Variants in LRCOL1 observed in about 807,000 individuals in gnomAD.
LRCOL1 encodes leucine-rich colipase-like protein 1.
Under a neutral mutation model 21.6 loss-of-function variants are expected in LRCOL1, and 21 were observed. That is an observed-to-expected ratio of 0.97 (90% CI 0.69 to 1.40). The LOEUF (loss-of-function observed/expected upper bound fraction) is 1.40, where lower values mean the gene tolerates loss of function less well. Ranked by LOEUF, LRCOL1 falls within the 40% of genes most tolerant of loss-of-function variation. The pLI, the probability that LRCOL1 is intolerant of heterozygous loss-of-function variation, is 0.00. For synonymous variants in LRCOL1, 98 were observed against 90.1 expected, an observed-to-expected ratio of 1.09 and a Z score of -0.49; for missense variants, 198 against 202.3, an observed-to-expected ratio of 0.98 and a Z score of 0.13.
chr12:132,606,530 G>C lies in LRCOL1; in HGVS notation c.-13-266C>G, dbSNP rs1271661072. On this transcript the variant is annotated intron_variant, in intron 1 of 5. Transcript: ENST00000376608. The surrounding 1 kb of genome is among the most constrained non-coding windows in gnomAD (Gnocchi z 4.6). ...CATGCTGCACTCGTGTGACACATCT[G>C]TCCACCATTGATAGACCCACAGGGA... 6.6e-6 allele frequency among the ~76,000 whole-genome samples: 1 copy of C among 152,246 alleles called. No homozygotes were observed. Among genetic ancestry groups the C allele is most frequent in the Admixed American group, 6.5e-5 (1 of 15,300 alleles).
chr12:132,603,828 G>T, intron 5 of LRCOL1: 1 of 985,426 alleles, frequency 1.0e-6, no homozygotes. Flanking sequence ...AGCACGGCTT[G>T]TCCCATGGAT....
chr12:132,608,984 C>CT (rs2041345565), intron 1 of LRCOL1, among the ~76,000 whole-genome samples: 1 of 152,218 alleles, frequency 6.6e-6, no homozygotes, highest in African/African-American at 2.4e-5. Context: ...AGTCCGGTGT[C>CT]TAACAGGTCA....
intron 1 of LRCOL1, among the ~76,000 whole-genome samples, chr12:132,607,891 GTCTC>G (rs140504252): frequency 2.9e-5 from 3 of 105,124 alleles, no homozygotes; most frequent in South Asian, 3.0e-4. Flanking sequence ...CTCTGTCTCT[GTCTC>G]TCTGTCTCTC....
rs747407412 is a variant in LRCOL1 at position 132,604,580 on chromosome 12, T to C, written c.236A>G (p.Asn79Ser). 2.6e-5 allele frequency: 40 copies of C among 1,534,506 alleles called. No individual in the cohort carries two copies. Among genetic ancestry groups the C allele is most frequent in the African/African-American group, 8.2e-5 (6 of 72,968 alleles). The change falls in exon 4 of 6, where the codon AAT (asparagine) becomes AGT (serine). Residue 79 changes from asparagine to serine, a missense_variant. Coordinates refer to ENST00000376608, the MANE Select transcript of LRCOL1 (RefSeq NM_001195520.2). ...FLQCLPWRKP[N>S]GYRCSHDSEC... ...TGAGTCGTGCGAGCATCTGTACCCATTGGGCTATGGGACAGGAGACGCGTC... is the reference window on the plus strand; with the variant it reads ...TGAGTCGTGCGAGCATCTGTACCCACTGGGCTATGGGACAGGAGACGCGTC...
rs139916291 is a variant in LRCOL1 at position 132,606,517 on chromosome 12, G to A, written c.-13-253C>T. Among the ~76,000 whole-genome samples, 41 of 152,222 alleles carry A rather than the reference G, an allele frequency of 2.7e-4. No homozygotes were observed. Among genetic ancestry groups the A allele is most frequent in the Non-Finnish European group, 5.1e-4 (35 of 68,024 alleles). On this transcript the variant is annotated intron_variant, in intron 1 of 5. Transcript: ENST00000376608. The surrounding 1 kb of genome is among the most constrained non-coding windows in gnomAD (Gnocchi z 4.6). The stretch of plus-strand genomic sequence containing the variant: ...CCCCTATTATAAACATGCTGCACTC[G>A]TGTGACACATCTGTCCACCATTGAT...
rs997684516 is a variant in LRCOL1 at position 132,603,738 on chromosome 12, C to T, written c.478-334G>A. 8 of 985,316 alleles carry T rather than the reference C, an allele frequency of 8.1e-6. No individual in the cohort carries two copies. The African/African-American group carries it at 1.4e-4, about 17-fold the overall frequency. 61.0% of individuals were successfully genotyped at this position (985,316 alleles called of 1,614,324 possible). ...CTGGGCTCCAGCAAACACGCACTTG[C>T]GCCCCCACCGCGTTTGCGCCGCTGG... On this transcript the variant is annotated intron_variant, in intron 5 of 5. Coordinates refer to ENST00000376608, the MANE Select transcript of LRCOL1 (RefSeq NM_001195520.2).
At chr12:132,603,625 TGGTACCCGAGGGCGCC>T (rs1566276517) in intron 5 of LRCOL1, 1 of 90,130 alleles carries the variant, frequency 1.1e-5, no homozygotes, top group Admixed American at 1.3e-3. Flanking sequence ...GGGCGCCTGG[TGGTACCCGAGGGCGCC>T]TGGTGGTACC....
At chr12:132,603,608 C>G in intron 5 of LRCOL1, 1 of 983,926 alleles carries the variant, frequency 1.0e-6, no homozygotes, top group Non-Finnish European at 1.2e-6. Flanking sequence ...GCTCCCAGCG[C>G]CCACGAGGGC....
chr12:132,608,313 G>A (rs1001877904), intron 1 of LRCOL1, among the ~76,000 whole-genome samples: 3 of 152,120 alleles, frequency 2.0e-5, no homozygotes, highest in African/African-American at 4.8e-5. Context: ...CTCTGCCTGC[G>A]GCTGGGCAGC....
Position 132,604,718 on chromosome 12 carries a change from CAGGCACTGCA to C in LRCOL1, c.209_218del (p.Leu70ArgfsTer66), listed in dbSNP as rs1265542662. ...GCACGCACCTCACCTTCCTCCAGGGCAGGCACTGCAGGAAGATGGTCTTAGGGGTGCAGAG... is the reference window on the plus strand; with the variant it reads ...GCACGCACCTCACCTTCCTCCAGGGCGGAAGATGGTCTTAGGGGTGCAGAG... On this transcript the variant is annotated frameshift_variant, in exon 3 of 6. Coordinates refer to ENST00000376608, the MANE Select transcript of LRCOL1 (RefSeq NM_001195520.2). LOFTEE classifies it high-confidence loss of function. The C allele has an allele frequency of 6.5e-7, 1 of 1,536,198 alleles. No individual in the cohort carries two copies. The highest frequency in any genetic ancestry group is 1.2e-5 in the South Asian group (1 of 84,062).
rs2041283572 is a variant in LRCOL1 at position 132,604,849 on chromosome 12, A to G, written c.106-18T>C. 1 of 1,535,154 alleles carries G rather than the reference A, an allele frequency of 6.5e-7. No homozygotes were observed. Among genetic ancestry groups the G allele is most frequent in the Non-Finnish European group, 8.7e-7 (1 of 1,146,250 alleles). On this transcript the variant is annotated intron_variant, in intron 2 of 5. Coordinates refer to ENST00000376608, the MANE Select transcript of LRCOL1 (RefSeq NM_001195520.2). ...CCGATGCCCTGAAACACCACTCACC[A>G]GCTCGCTCACCTGTTCCTGGGCAGG...
At chr12:132,604,881 A>G in intron 2 of LRCOL1, 50 bp from the exon 3 acceptor site, 2 of 1,529,676 alleles carry the variant, frequency 1.3e-6, no homozygotes, top group Non-Finnish European at 1.8e-6. Context: ...CAGGGCCTGC[A>G]GACTCAGCAC....
chr12:132,607,213 G>A (rs953115613), intron 1 of LRCOL1, among the ~76,000 whole-genome samples: 4 of 152,184 alleles, frequency 2.6e-5, no homozygotes, highest in Non-Finnish European at 5.9e-5. Context: ...CCTTCCTCGG[G>A]ACTCTTCCAG....
rs1434511984 is a variant in LRCOL1 at position 132,603,312 on chromosome 12, C to G, written c.*90G>C. 1 of 1,514,972 alleles carries G rather than the reference C, an allele frequency of 6.6e-7. No individual in the cohort carries two copies. The highest frequency in any genetic ancestry group is 1.4e-5 in the African/African-American group (1 of 72,618). The allele number at this position is 1,514,972 out of a possible 1,614,324, so 93.8% of individuals were successfully genotyped here. A position where few individuals can be genotyped will look rare whatever the true frequency, so the allele number is the denominator to read the frequency against. The stretch of plus-strand genomic sequence containing the variant: ...ACAGCAGCACAAACCGTAAGGGAAG[C>G]TTCCGCTGGAACCAGCCCCCGCGCA... On this transcript the variant is annotated 3_prime_UTR_variant, in exon 6 of 6. Transcript: ENST00000376608.
chr12:132,603,498 C>CG (rs1566276298), intron 5 of LRCOL1, 94 bp from the exon 6 acceptor site: 2 of 1,534,502 alleles, frequency 1.3e-6, no homozygotes, highest in African/African-American at 2.7e-5. Context: ...CAGCATCTCC[C>CG]GGCACCAGCC....
Position 132,604,970 on chromosome 12 carries a change from C to T in LRCOL1, c.106-139G>A, listed in dbSNP as rs2041285162. On this transcript the variant is annotated intron_variant, in intron 2 of 5. Transcript: ENST00000376608. Reference sequence around the variant, plus strand: ...TGGGTTTCCTGAGAAGTTTCTGGAACAAACCCAGACTGCCGTGGTTCTGGC... The same window carrying T: ...TGGGTTTCCTGAGAAGTTTCTGGAATAAACCCAGACTGCCGTGGTTCTGGC... The T allele has an allele frequency of 6.9e-6, 10 of 1,454,250 alleles. No individual in the cohort carries two copies. The South Asian group carries it at 1.4e-4, about 20-fold the overall frequency. The allele number at this position is 1,454,250 out of a possible 1,614,324, so 90.1% of individuals were successfully genotyped here. A position where few individuals can be genotyped will look rare whatever the true frequency, so the allele number is the denominator to read the frequency against.
In LRCOL1 at chr12:132,604,759, G is replaced by C. The variant is rs1280856422; in HGVS notation, c.178C>G (p.His60Asp). The change falls in exon 3 of 6, where the codon CAC becomes GAC. Residue 60 changes from histidine (H) to aspartate (D), a missense_variant. Coordinates refer to ENST00000376608, the MANE Select transcript of LRCOL1 (RefSeq NM_001195520.2). ...NCCTINSLAP[H>D]TLCTPKTIFL... ...ATGGTCTTAGGGGTGCAGAGCGTGT[G>C]TGGGGCCAGGCTGTTGATGGTACAG... 2.0e-6 allele frequency: 3 copies of C among 1,536,048 alleles called. No individual in the cohort carries two copies. The African/African-American group carries it at 4.1e-5, about 21-fold the overall frequency.
chr12:132,605,045 C>G (rs933934576), intron 2 of LRCOL1: 35 of 1,391,336 alleles, frequency 2.5e-5, no homozygotes, highest in Non-Finnish European at 3.3e-5. Context: ...CTACTGTGAG[C>G]CACGTGGAAG....
chr12:132,603,812 G>GCAC, intron 5 of LRCOL1: 2 of 985,436 alleles, frequency 2.0e-6, no homozygotes, highest in Non-Finnish European at 2.4e-6. Flanking sequence ...GCGGGAGCCT[G>GCAC]CACCGAGCAC....
Sources: gnomAD v4.1 joint callset for allele counts (sites outside exome capture counted in the v4.1 genomes callset) on GRCh38, gnomAD v4.1.1 for gene constraint, Gnocchi (gnomAD v3.1) non-coding constraint, MANE v1.5 for transcripts, NCBI Gene and HGNC (gene_info 2026-07-23, HGNC 2026-07-21) for gene names.